The following ABCC10 variants were observed in gnomAD, a reference collection of about 807,000 sequenced individuals.
ABCC10 encodes ATP-binding cassette sub-family C member 10.
Under a neutral mutation model 143.2 loss-of-function variants are expected in ABCC10, and 110 were observed. That is an observed-to-expected ratio of 0.77 (90% CI 0.66 to 0.90). The LOEUF is 0.90. Among genes scored for constraint, ABCC10 ranks in the 40% least tolerant of loss-of-function variants. ABCC10 has a pLI of 0.00. For synonymous variants in ABCC10, 805 were observed against 846.7 expected (o/e 0.95, Z 0.85); for missense variants, 1,700 against 1,900.5 (o/e 0.89, Z 1.96).
chr6:43,438,830 G>GT, intron 8 of ABCC10, 35 bp downstream of exon 8: 1 of 1,609,250 alleles, frequency 6.2e-7, no homozygotes, highest in Non-Finnish European at 8.5e-7. Flanking sequence ...TTAGCTGCCT[G>GT]TTTCTCCAGT....
chr6:43,451,967 C>T (rs888511039), downstream of ABCC10: 15 of 1,614,006 alleles, frequency 9.3e-6, no homozygotes, highest in Admixed American at 6.7e-5. This position sits in a 1 kb window ranked among gnomAD's most constrained non-coding sequence, Gnocchi z 4.4. Context: ...TCCAGCCTTG[C>T]GCTCGCAGTC....
At chr6:43,429,982 G>T (rs556228974) in intron 2 of ABCC10, among the ~76,000 whole-genome samples, 1 of 152,326 alleles carries the variant, frequency 6.6e-6, no homozygotes, top group African/African-American at 2.4e-5. Flanking sequence ...GCCTTGCTTT[G>T]TTGTCCAGGC....
chr6:43,446,473 C>T, intron 16 of ABCC10, 27 bp downstream of exon 16: 1 of 1,599,258 alleles, frequency 6.3e-7, no homozygotes, highest in African/African-American at 1.3e-5. Context: ...CTCACCCCTA[C>T]CTCATCCACA....
rs752037507 is a variant in ABCC10 at position 43,448,930 on chromosome 6, G to A, written c.4009G>A (p.Val1337Ile). The A allele has an allele frequency of 1.9e-6, 3 of 1,614,188 alleles. No homozygotes were observed. Among genetic ancestry groups the A allele is most frequent in the Non-Finnish European group, 2.5e-6 (3 of 1,180,004 alleles). Residue 1337 changes from valine to isoleucine, a missense_variant, in exon 19 of 22, where the codon GTT (valine) becomes ATT (isoleucine). By Grantham distance (29) the Val-to-Ile change is conservative (BLOSUM62 3). Coordinates refer to ENST00000372530, the MANE Select transcript of ABCC10 (RefSeq NM_001198934.2). ...GGAGCCCTTTTTGTTCAGTGGGACT[G>A]TTCGGGAAAACCTGGACCCCCAGGG... ...PQEPFLFSGT[V>I]RENLDPQGLH...
chr6:43,439,867 C>T (rs917527876), intron 8 of ABCC10, among the ~76,000 whole-genome samples: 2 of 152,124 alleles, frequency 1.3e-5, no homozygotes, highest in Non-Finnish European at 2.9e-5. Context: ...CAGGCGTGAG[C>T]CACCGCGCCT....
chr6:43,440,236 C>T (rs999541089), intron 8 of ABCC10, among the ~76,000 whole-genome samples: 1 of 152,112 alleles, frequency 6.6e-6, no homozygotes, highest in African/African-American at 2.4e-5. Flanking sequence ...GGATTACAGG[C>T]GTGAGCCACT....
chr6:43,435,025 C>A (rs1032523983), intron 4 of ABCC10, 177 bp downstream of exon 4: 2 of 628,690 alleles, frequency 3.2e-6, no homozygotes, highest in African/African-American at 3.7e-5. Context: ...TAACCCTCCC[C>A]TCTGTGAAGG....
Position 43,450,301 on chromosome 6 carries a change from G to A in ABCC10, c.*210G>A. ...TCCCCAGAACCAGGCCTCTGCTCTG[G>A]CCCTCTTGCATCTGGAACGCCAGGT... On this transcript the variant is annotated 3_prime_UTR_variant, in exon 22 of 22. Transcript: ENST00000372530. The surrounding 1 kb of genome is among the most constrained non-coding windows in gnomAD (Gnocchi z 4.5). 1 of 826,536 alleles carries A rather than the reference G, an allele frequency of 1.2e-6. No individual in the cohort carries two copies. The highest frequency in any genetic ancestry group is 1.8e-6 in the Non-Finnish European group (1 of 558,508). 51.2% of individuals were successfully genotyped at this position (826,536 alleles called of 1,614,324 possible). A position where few individuals can be genotyped will look rare whatever the true frequency, so the allele number is the denominator to read the frequency against.
intron 8 of ABCC10, among the ~76,000 whole-genome samples, chr6:43,439,764 A>G (rs1397446113): frequency 6.6e-6 from 1 of 151,882 alleles, no homozygotes; most frequent in Non-Finnish European, 1.5e-5. Context: ...TTGTATTTCT[A>G]GTAGAAACAG....
At chr6:43,447,565 T>C in intron 17 of ABCC10, 119 bp from the exon 18 acceptor site, 1 of 1,555,040 alleles carries the variant, frequency 6.4e-7, no homozygotes, top group East Asian at 2.3e-5. Context: ...CTTCCCCATC[T>C]CTCATTCTCT....
rs774309153 is a variant in ABCC10, at chr6:43,432,376, TC to T, written c.399del (p.Leu134TrpfsTer6). 6 of 1,612,812 alleles carry T rather than the reference TC, an allele frequency of 3.7e-6. No homozygotes were observed. The highest frequency in any genetic ancestry group is 5.1e-6 in the Non-Finnish European group (6 of 1,180,000). On this transcript the variant is annotated frameshift_variant, in exon 3 of 22. Coordinates refer to ENST00000372530, the MANE Select transcript of ABCC10 (RefSeq NM_001198934.2). LOFTEE classifies it high-confidence loss of function. ...ATTCCCCTCATGGCCACTCCCGGGG[TC>T]CCTTGGCCTTGGCCCTGGTAGCCTT... ...AHSPHGHSRG[P>X]LALALVALLP...
chr6:43,435,843 C>T lies in ABCC10; in HGVS notation c.1701C>T (p.Ser567=), dbSNP rs1408211932. The T allele has an allele frequency of 5.0e-6, 8 of 1,614,176 alleles. No homozygotes were observed. The highest frequency in any genetic ancestry group is 5.1e-6 in the Non-Finnish European group (6 of 1,180,040). Residue 567 remains serine (S), a synonymous_variant, in exon 5 of 22, where the codon TCC becomes TCT. Transcript: ENST00000372530. ...ATGGTCTCCTGGAGGCCAAAGTGTCCTTGGACCGGATCCAGCTTTTCCTCG... is the reference window on the plus strand; with the variant it reads ...ATGGTCTCCTGGAGGCCAAAGTGTCTTTGGACCGGATCCAGCTTTTCCTCG... ...VINGLLEAKV[S]LDRIQLFLDL...
intron 16 of ABCC10, chr6:43,446,771 C>T: frequency 8.3e-7 from 1 of 1,206,390 alleles, no homozygotes; most frequent in Non-Finnish European, 1.0e-6. Flanking sequence ...CTTCTCCAGG[C>T]CCACCCCCTG....
Position 43,427,733 on chromosome 6 carries a change from C to T in ABCC10, c.-36C>T, listed in dbSNP as rs570967327. ...TTCCGGATGCCTGGGGGCGGAGAAA[C>T]GGGAGGGGAAAAACAGATGGCAAGG... On this transcript the variant is annotated 5_prime_UTR_variant, in exon 1 of 22. In the 5' UTR this introduces an upstream ATG that the reference lacks. Coordinates refer to ENST00000372530, the MANE Select transcript of ABCC10 (RefSeq NM_001198934.2). The T allele has an allele frequency of 1.1e-4, 64 of 582,642 alleles. No homozygotes were observed. Among genetic ancestry groups the T allele is most frequent in the Middle Eastern group, 9.2e-4 (2 of 2,182 alleles). The allele number at this position is 582,642 out of a possible 1,614,324, so 36.1% of individuals were successfully genotyped here.
At position 43,440,729 on chromosome 6, in the gene ABCC10, G is replaced by A. The variant is rs192736238; in HGVS notation, c.2128-1133G>A. Among the ~76,000 whole-genome samples, 76 of 152,066 alleles carry A rather than the reference G, an allele frequency of 5.0e-4. 2 individuals are homozygous for A. In the East Asian group the frequency reaches 0.014, roughly 28 times the overall value. On this transcript the variant is annotated intron_variant, in intron 8 of 21. Coordinates refer to ENST00000372530, the MANE Select transcript of ABCC10 (RefSeq NM_001198934.2). ...ATACAAAAAATAGCTGGGCGTGGTCGTGGGCACCTGTAATCCCAGCTACTC... is the reference window on the plus strand; with the variant it reads ...ATACAAAAAATAGCTGGGCGTGGTCATGGGCACCTGTAATCCCAGCTACTC...
chr6:43,449,965 G>A lies in ABCC10; in HGVS notation c.4353G>A (p.Val1451=). 1 of 1,614,046 alleles carries A rather than the reference G, an allele frequency of 6.2e-7. No individual in the cohort carries two copies. The highest frequency in any genetic ancestry group is 8.5e-7 in the Non-Finnish European group (1 of 1,179,990). Residue 1451 remains valine, a synonymous_variant, in exon 22 of 22, where the codon GTG becomes GTA. Transcript: ENST00000372530. ...TCCTGAACTCAGACCGGGTGCTGGT[G>A]CTACAAGCGGGGAGAGTGGTAGAGC... ...NTILNSDRVL[V]LQAGRVVELD...
In ABCC10 at chr6:43,432,799, G is replaced by A. The variant is rs1781279074; in HGVS notation, c.819G>A (p.Leu273=). The A allele has an allele frequency of 1.9e-6, 3 of 1,614,200 alleles. No homozygotes were observed. Among genetic ancestry groups the A allele is most frequent in the South Asian group, 2.2e-5 (2 of 91,090 alleles). The part of the protein sequence containing the change: ...FQAHWQEGAR[L]WRALYGAFGR... The stretch of plus-strand genomic sequence containing the variant: ...CACACTGGCAGGAGGGGGCACGGCT[G>A]TGGAGGGCCTTGTATGGGGCCTTTG... Residue 273 remains leucine, a synonymous_variant, in exon 3 of 22, where the codon CTG becomes CTA. Coordinates refer to ENST00000372530, the MANE Select transcript of ABCC10 (RefSeq NM_001198934.2).
Position 43,446,459 on chromosome 6 carries a change from A to G in ABCC10, c.3544+13A>G. 1 of 1,604,724 alleles carries G rather than the reference A, an allele frequency of 6.2e-7. No homozygotes were observed. Reference sequence around the variant, plus strand: ...CTCGCTAACCCAGGTGCCACCCAGGACCCCTCACCCCTACCTCATCCACAA... The same window carrying G: ...CTCGCTAACCCAGGTGCCACCCAGGGCCCCTCACCCCTACCTCATCCACAA... On this transcript the variant is annotated intron_variant, in intron 16 of 21. Coordinates refer to ENST00000372530, the MANE Select transcript of ABCC10 (RefSeq NM_001198934.2).
At chr6:43,434,091 G>C (rs1043895534) in intron 3 of ABCC10, among the ~76,000 whole-genome samples, 1 of 152,250 alleles carries the variant, frequency 6.6e-6, no homozygotes, top group Admixed American at 6.5e-5. Context: ...CTACAGACGA[G>C]GAGTTTTGGC....
Sources: allele counts gnomAD v4.1 joint callset (sites outside exome capture counted in the v4.1 genomes callset), GRCh38; gene constraint gnomAD v4.1.1; non-coding constraint Gnocchi (gnomAD v3.1); transcripts MANE v1.5; gene names NCBI Gene and HGNC (gene_info 2026-07-23, HGNC 2026-07-21).